Variants in MPRIP observed in about 807,000 individuals in gnomAD.
MPRIP encodes the protein myosin phosphatase Rho interacting protein, also known as myosin phosphatase Rho-interacting protein.
A neutral mutation model predicts 234.9 loss-of-function variants in MPRIP; 59 were observed. That is an observed-to-expected ratio of 0.25 (90% CI 0.20 to 0.31). MPRIP has a LOEUF of 0.31. Among genes scored for constraint, MPRIP ranks in the 10% least tolerant of loss-of-function variants. The pLI is 1.00. For synonymous variants in MPRIP, 1,144 were observed against 1,263.9 expected, an observed-to-expected ratio of 0.91 and a Z score of 2.01; for missense variants, 2,436 against 3,071.0, an observed-to-expected ratio of 0.79 and a Z score of 4.89.
chr17:17,127,929 G>T (rs2090524596), intron 4 of MPRIP, among the ~76,000 whole-genome samples: 1 of 152,152 alleles, frequency 6.6e-6, no homozygotes, highest in Non-Finnish European at 1.5e-5. Context: ...CTCTCTGCGG[G>T]GGTGTGCTCT....
intron 3 of MPRIP, among the ~76,000 whole-genome samples, chr17:17,123,822 T>G (rs1328093659): frequency 3.9e-5 from 6 of 152,138 alleles, no homozygotes; most frequent in Non-Finnish European, 7.4e-5. Flanking sequence ...GGAAATAGAT[T>G]GGGCTCTGGA....
At chr17:17,168,469 T>G (rs2046054705) in intron 16 of MPRIP, 1 of 281,502 alleles carries the variant, frequency 3.6e-6, no homozygotes, top group Non-Finnish European at 6.9e-6. Flanking sequence ...AGAAGAACTT[T>G]CCCACGGAGC....
rs59061797 is a variant in MPRIP, at chr17:17,186,471, A to C, written c.*1577A>C. ...TCCACTGGCATCGAGCCCTTTCCAC[A>C]AGTTTTTAAGGCTCTTAACCCACAC... On this transcript the variant is annotated 3_prime_UTR_variant, in exon 24 of 24. Transcript: ENST00000651222. The C allele has an allele frequency of 0.066, 10,118 of 152,260 alleles. 398 individuals are homozygous for C. The highest frequency in any genetic ancestry group is 0.098 in the African/African-American group (4,079 of 41,530). 9.4% of individuals were successfully genotyped at this position (152,260 alleles called of 1,614,324 possible).
intron 1 of MPRIP, among the ~76,000 whole-genome samples, chr17:17,070,747 A>G (rs1049528993): frequency 6.6e-6 from 1 of 152,124 alleles, no homozygotes; most frequent in Admixed American, 6.6e-5. Flanking sequence ...TGGTGTTGGC[A>G]TTTCTTGGTT....
At chr17:17,100,657 T>C (rs2089942522) in intron 3 of MPRIP, among the ~76,000 whole-genome samples, 1 of 152,006 alleles carries the variant, frequency 6.6e-6, no homozygotes, top group Non-Finnish European at 1.5e-5. Flanking sequence ...GTGCTCCTTA[T>C]GAGAGTCTAA....
intron 5 of MPRIP, among the ~76,000 whole-genome samples, chr17:17,132,600 CA>C (rs1422804932): frequency 6.6e-6 from 1 of 152,190 alleles, no homozygotes. Context: ...GGTCAGGGAG[CA>C]TGCACTGGTC....
At position 17,142,541 on chromosome 17, in the gene MPRIP, C is replaced by T. The variant is rs1482609626; in HGVS notation, c.1251-86C>T. The T allele has an allele frequency of 4.0e-6, 6 of 1,512,796 alleles. No homozygotes were observed. The African/African-American group carries it at 5.5e-5, about 14-fold the overall frequency. The allele number at this position is 1,512,796 out of a possible 1,614,324, so 93.7% of individuals were successfully genotyped here. On this transcript the variant is annotated intron_variant, in intron 7 of 23. Coordinates refer to ENST00000651222, the MANE Select transcript of MPRIP (RefSeq NM_001364716.4). ...AAGCCTGAGGGGAATCAGGCCCGGG[C>T]CAGGCCGGGCATGGGAGGAGTCGGC... is the stretch of plus-strand genomic sequence containing the variant.
intron 9 of MPRIP, among the ~76,000 whole-genome samples, chr17:17,145,354 A>G (rs1011625386): frequency 6.6e-6 from 1 of 152,138 alleles, no homozygotes; most frequent in African/African-American, 2.4e-5. Context: ...AAGGTGACCC[A>G]TGTCTCTGTG....
At chr17:17,072,523 C>T (rs944068826) in intron 1 of MPRIP, among the ~76,000 whole-genome samples, 6 of 152,142 alleles carry the variant, frequency 3.9e-5, no homozygotes, top group Non-Finnish European at 8.8e-5. Context: ...GAAATTAGTT[C>T]TGTGATGTGC....
chr17:17,152,420 A>G (rs1472409186), intron 12 of MPRIP, among the ~76,000 whole-genome samples: 3 of 152,236 alleles, frequency 2.0e-5, no homozygotes, highest in African/African-American at 7.2e-5. Context: ...CCCACTGATC[A>G]ACCCCTCCTC....
chr17:17,108,961 G>C (rs746530926), intron 3 of MPRIP, among the ~76,000 whole-genome samples: 1 of 152,214 alleles, frequency 6.6e-6, no homozygotes, highest in Non-Finnish European at 1.5e-5. Context: ...TGCTAGCACT[G>C]CCTCTTCTCC....
rs943080588 is a variant in MPRIP at position 17,166,271 on chromosome 17, G to A, written c.4680G>A (p.Glu1560=). 56 of 1,304,214 alleles carry A rather than the reference G, an allele frequency of 4.3e-5. No homozygotes were observed. Among genetic ancestry groups the A allele is most frequent in the Non-Finnish European group, 5.2e-5 (51 of 988,978 alleles). The allele number at this position is 1,304,214 out of a possible 1,614,324, so 80.8% of individuals were successfully genotyped here. Reference sequence around the variant, plus strand: ...CCCAGTCTGAGTTGACAGAGCAGGAGCAGGTGAGGCTTCTTTCTGACCAGA... The same window carrying A: ...CCCAGTCTGAGTTGACAGAGCAGGAACAGGTGAGGCTTCTTTCTGACCAGA... ...QCSQSELTEQ[E]QVRLLSDQIA... Residue 1560 remains glutamate (E), a synonymous_variant, in exon 16 of 24, where the codon GAG becomes GAA. Transcript: ENST00000651222. This position sits in a 1 kb window ranked among gnomAD's most constrained non-coding sequence, Gnocchi z 4.4.
chr17:17,065,174 A>G (rs2088983463), intron 1 of MPRIP, among the ~76,000 whole-genome samples: 1 of 152,172 alleles, frequency 6.6e-6, no homozygotes, highest in Non-Finnish European at 1.5e-5. Flanking sequence ...TAGTCTAAAT[A>G]CTAGTATATA....
intron 1 of MPRIP, among the ~76,000 whole-genome samples, chr17:17,043,256 C>T (rs2088237446): frequency 2.6e-5 from 4 of 152,152 alleles, no homozygotes; most frequent in African/African-American, 9.7e-5. Context: ...GAACAAAGCG[C>T]TTAGGGATTG....
intron 3 of MPRIP, among the ~76,000 whole-genome samples, chr17:17,112,329 G>T (rs1195525620): frequency 1.3e-5 from 2 of 152,028 alleles, no homozygotes; most frequent in Non-Finnish European, 2.9e-5. Flanking sequence ...TCCAAACCCG[G>T]CCTCCTTGCC....
intron 3 of MPRIP, among the ~76,000 whole-genome samples, chr17:17,088,415 T>C (rs2089640861): frequency 6.6e-6 from 1 of 152,172 alleles, no homozygotes; most frequent in South Asian, 2.1e-4. Flanking sequence ...GTGAAAAGCT[T>C]GGAATAGTTG....
At position 17,047,908 on chromosome 17, in the gene MPRIP, C is replaced by T. The variant is rs2088406297; in HGVS notation, c.123+4937C>T. Among the ~76,000 whole-genome samples, 4 of 151,890 alleles carry T rather than the reference C, an allele frequency of 2.6e-5. No individual in the cohort carries two copies. The South Asian group carries it at 8.3e-4, about 32-fold the overall frequency. The stretch of plus-strand genomic sequence containing the variant: ...ATAGAGTGAAAGGAGAGGAACCAGC[C>T]TAGGAAGCCCCCATGTAGTGGGCAG... On this transcript the variant is annotated intron_variant, in intron 1 of 23. Coordinates refer to ENST00000651222, the MANE Select transcript of MPRIP (RefSeq NM_001364716.4).
rs183346844 is a variant in MPRIP at position 17,187,260 on chromosome 17, A to C, written c.*2366A>C. 3 of 152,346 alleles carry C rather than the reference A, an allele frequency of 2.0e-5. No individual in the cohort carries two copies. In the East Asian group the frequency reaches 5.8e-4, roughly 29 times the overall value. 9.4% of individuals were successfully genotyped at this position (152,346 alleles called of 1,614,324 possible). A position where few individuals can be genotyped will look rare whatever the true frequency, so the allele number is the denominator to read the frequency against. ...TGGACTTCAGGAATCCTGGAAAATT[A>C]ATATGAGTGCAGCATGTGAGGGGTC... On this transcript the variant is annotated 3_prime_UTR_variant, in exon 24 of 24. Coordinates refer to ENST00000651222, the MANE Select transcript of MPRIP (RefSeq NM_001364716.4).
chr17:17,136,691 G>A (rs1429078004), intron 6 of MPRIP, among the ~76,000 whole-genome samples: 1 of 152,236 alleles, frequency 6.6e-6, no homozygotes, highest in Non-Finnish European at 1.5e-5. Flanking sequence ...GACAGCTCCT[G>A]TTCTGTCAGC....
Sources: gnomAD v4.1 joint callset for allele counts (sites outside exome capture counted in the v4.1 genomes callset) on GRCh38, gnomAD v4.1.1 for gene constraint, Gnocchi (gnomAD v3.1) non-coding constraint, MANE v1.5 for transcripts, NCBI Gene and HGNC (gene_info 2026-07-23, HGNC 2026-07-21) for gene names.